GRID2: variants seen among roughly 807,000 people sequenced by gnomAD.
GRID2 encodes the protein glutamate receptor ionotropic, delta-2.
GRID2 carries 33 observed loss-of-function variants against 114.8 expected under a neutral mutation model. That is an observed-to-expected ratio of 0.29 (90% confidence interval 0.22 to 0.38). The LOEUF (loss-of-function observed/expected upper bound fraction) is 0.38. GRID2 is among the 10% of genes least tolerant of loss of function. The pLI is 1.00. For missense variants in GRID2, 1,184 were observed against 1,257.7 expected (o/e 0.94, Z 0.89); for synonymous variants, 505 against 449.9 (o/e 1.12, Z -1.55).
chr4:92,915,457 G>T (rs971111039), intron 2 of GRID2, among the ~76,000 whole-genome samples: 1 of 152,084 alleles, frequency 6.6e-6, no homozygotes, highest in African/African-American at 2.4e-5. Context: ...TACTTATTTT[G>T]TGAAAATACT....
chr4:93,463,650 G>T, intron 11 of GRID2, among the ~76,000 whole-genome samples: 1 of 152,224 alleles, frequency 6.6e-6, no homozygotes, highest in South Asian at 2.1e-4. Context: ...AAAATTGAAG[G>T]GTGATTTTGA....
chr4:92,432,846 G>A (rs1732530599), intron 1 of GRID2, among the ~76,000 whole-genome samples: 1 of 152,140 alleles, frequency 6.6e-6, no homozygotes, highest in African/African-American at 2.4e-5. Context: ...AGCTGGGAAT[G>A]TGCTGGGTCA....
intron 1 of GRID2, among the ~76,000 whole-genome samples, chr4:92,577,332 A>G (rs1727943924): frequency 1.3e-5 from 2 of 152,218 alleles, no homozygotes; most frequent in Admixed American, 1.3e-4. Flanking sequence ...TAGTGGAGGT[A>G]TAAACATTAG....
intron 1 of GRID2, among the ~76,000 whole-genome samples, chr4:92,484,416 T>G (rs1722766295): frequency 6.6e-6 from 1 of 152,140 alleles, no homozygotes; most frequent in Admixed American, 6.6e-5. Context: ...ATATACTGTA[T>G]GTAAGCAGGA....
intron 2 of GRID2, among the ~76,000 whole-genome samples, chr4:92,613,843 G>T (rs1354848684): frequency 6.6e-6 from 1 of 151,218 alleles, no homozygotes; most frequent in East Asian, 2.0e-4. Context: ...TTATTTCACT[G>T]ATTTTGCTCT....
At position 93,263,237 on chromosome 4, in the gene GRID2, G is replaced by T. The variant is rs190840219; in HGVS notation, c.1245+24747G>T. ...TATCTAATGGATGATTTACTTTTTAGATTTATTTTGTTTTGACTTAGAAAA... is the reference window on the plus strand; with the variant it reads ...TATCTAATGGATGATTTACTTTTTATATTTATTTTGTTTTGACTTAGAAAA... On this transcript the variant is annotated intron_variant, in intron 8 of 15. Coordinates refer to ENST00000282020, the MANE Select transcript of GRID2 (RefSeq NM_001510.4). Among the ~76,000 whole-genome samples the T allele has an allele frequency of 6.6e-5, 10 of 151,730 alleles. No homozygotes were observed. In the East Asian group the frequency reaches 1.4e-3, roughly 21 times the overall value.
Position 92,411,559 on chromosome 4 carries a change from T to C in GRID2, c.88+106815T>C, listed in dbSNP as rs902025175. On this transcript the variant is annotated intron_variant, in intron 1 of 15. Transcript: ENST00000282020. ...ACTTTTCACCTGTATTTTCATATGC[T>C]GTCTCAAGCCTCTCTGTATCAAGAC... Among the ~76,000 whole-genome samples the C allele has an allele frequency of 2.8e-4, 42 of 150,792 alleles. 1 individual carries two copies. Among genetic ancestry groups the C allele is most frequent in the Non-Finnish European group, 7.4e-5 (5 of 67,810 alleles).
At chr4:92,993,734 G>C (rs905246144) in intron 2 of GRID2, among the ~76,000 whole-genome samples, 1 of 152,124 alleles carries the variant, frequency 6.6e-6, no homozygotes, top group Non-Finnish European at 1.5e-5. Context: ...ACAGAGCATT[G>C]AATTAACTTA....
chr4:93,521,348 C>G (rs1730318596), intron 13 of GRID2, among the ~76,000 whole-genome samples: 1 of 152,024 alleles, frequency 6.6e-6, no homozygotes, highest in African/African-American at 2.4e-5. Flanking sequence ...CATATAAACA[C>G]AATTTAATAT....
intron 1 of GRID2, among the ~76,000 whole-genome samples, chr4:92,549,213 G>A (rs1328018194): frequency 1.3e-5 from 2 of 151,836 alleles, no homozygotes; most frequent in Non-Finnish European, 2.9e-5. Context: ...CACTTTGAAG[G>A]AATGTATAAC....
intron 12 of GRID2, among the ~76,000 whole-genome samples, chr4:93,504,505 A>G (rs1332546239): frequency 6.6e-6 from 1 of 152,064 alleles, no homozygotes; most frequent in Admixed American, 6.6e-5. Flanking sequence ...GTAAGAATGT[A>G]TAAGGACCTT....
At chr4:93,808,896 C>T (rs1735081688) in exon 2 of GRID2, 1 of 152,184 alleles carries the variant, frequency 6.6e-6, no homozygotes, top group African/African-American at 2.4e-5. Context: ...CCCCATTAAA[C>T]AAAATACAAG....
At chr4:92,688,203 C>G (rs1447481658) in intron 2 of GRID2, among the ~76,000 whole-genome samples, 1 of 151,452 alleles carries the variant, frequency 6.6e-6, no homozygotes, top group African/African-American at 2.4e-5. Flanking sequence ...GTGCCTGCCA[C>G]CACGCCCAGC....
intron 2 of GRID2, among the ~76,000 whole-genome samples, chr4:92,598,795 G>C (rs1298214533): frequency 6.6e-6 from 1 of 152,064 alleles, no homozygotes; most frequent in African/African-American, 2.4e-5. Flanking sequence ...TTTAATGATA[G>C]TGCTGTATGT....
At chr4:92,923,081 T>C (rs534014058) in intron 2 of GRID2, among the ~76,000 whole-genome samples, 1 of 152,348 alleles carries the variant, frequency 6.6e-6, no homozygotes, top group South Asian at 2.1e-4. Flanking sequence ...CTGGAATATA[T>C]CACCATTTTC....
At chr4:93,613,366 C>A (rs1021153655) in intron 13 of GRID2, among the ~76,000 whole-genome samples, 1 of 140,060 alleles carries the variant, frequency 7.1e-6, no homozygotes, top group African/African-American at 2.7e-5. Context: ...GAGCTGCGTT[C>A]CTTTGGAGGA....
At chr4:93,050,992 A>G (rs1275057428) in intron 2 of GRID2, among the ~76,000 whole-genome samples, 1 of 152,064 alleles carries the variant, frequency 6.6e-6, no homozygotes, top group Non-Finnish European at 1.5e-5. Flanking sequence ...TATAAAGGTC[A>G]TACCACTGAG....
chr4:93,419,678 A>T (rs1195181357), intron 9 of GRID2, among the ~76,000 whole-genome samples: 1 of 152,088 alleles, frequency 6.6e-6, no homozygotes, highest in Non-Finnish European at 1.5e-5. Flanking sequence ...TAATATAGCC[A>T]TTTCTATTCT....
intron 2 of GRID2, among the ~76,000 whole-genome samples, chr4:92,925,125 TCAG>T (rs537893291): frequency 1.2e-3 from 186 of 152,248 alleles, no homozygotes; most frequent in African/African-American, 4.3e-3. Context: ...TGTAACATTA[TCAG>T]CAGAAGTCAT....
Sources: allele counts gnomAD v4.1 joint callset (sites outside exome capture counted in the v4.1 genomes callset), GRCh38; gene constraint gnomAD v4.1.1; transcripts MANE v1.5; gene names NCBI Gene and HGNC (gene_info 2026-07-23, HGNC 2026-07-21).